PPEF1: variants seen among roughly 807,000 people sequenced by gnomAD.
The protein encoded by PPEF1 is protein phosphatase with EF-hand domain 1.
Under a neutral mutation model 53.3 loss-of-function variants are expected in PPEF1, and 12 were observed. That is an observed-to-expected ratio of 0.23 (90% CI 0.14 to 0.36). The LOEUF (loss-of-function observed/expected upper bound fraction) is 0.36, where lower values mean the gene tolerates loss of function less well. PPEF1 is among the 10% of genes least tolerant of loss of function. PPEF1 has a pLI of 1.00. For missense variants in PPEF1, 334 were observed against 490.4 expected, an observed-to-expected ratio of 0.68 and a Z score of 3.01; for synonymous variants, 165 against 176.7, an observed-to-expected ratio of 0.93 and a Z score of 0.52.
chrX:18,769,820 T>G (rs1396424544), intron 6 of PPEF1, among the ~76,000 whole-genome samples: 1 of 112,198 alleles, frequency 8.9e-6, no homozygotes, highest in African/African-American at 3.2e-5. Context: ...AGAAGAAAAT[T>G]AACGTGGAGT....
intron 2 of PPEF1, 139 bp downstream of exon 2, chrX:18,730,447 C>A: frequency 1.4e-6 from 1 of 719,552 alleles, no homozygotes; most frequent in Non-Finnish European, 2.0e-6. Context: ...ATGACATTGT[C>A]TTGGAACTAG....
In PPEF1 at chrX:18,692,504, C is replaced by T. The variant is rs1215925909; in HGVS notation, c.-313+1410C>T. 4.5e-5 allele frequency among the ~76,000 whole-genome samples: 5 copies of T among 112,091 alleles called. No homozygotes were observed. In the East Asian group the frequency reaches 1.1e-3, roughly 25 times the overall value. On this transcript the variant is annotated intron_variant, in intron 4 of 21. Coordinates refer to the PPEF1 transcript ENST00000361511. ...AACCCTGGAATCCTCCTCGATGTCT[C>T]TGTCTCCCTCACTCTCCATGCCCAG...
intron 10 of PPEF1, 91 bp from the exon 11 acceptor site, chrX:18,803,801 C>G: frequency 1.1e-6 from 1 of 881,600 alleles, no homozygotes. Context: ...TTTGGGATAC[C>G]TTGGGTTAAT....
chrX:18,809,565 C>T (rs184161909), intron 12 of PPEF1, among the ~76,000 whole-genome samples: 3 of 109,478 alleles, frequency 2.7e-5, no homozygotes, highest in Admixed American at 9.9e-5. Flanking sequence ...ATTAGCTGGA[C>T]GTGATGGCGC....
chrX:18,744,427 A>G (rs1295203694), intron 3 of PPEF1, among the ~76,000 whole-genome samples: 1 of 111,630 alleles, frequency 9.0e-6, no homozygotes, highest in African/African-American at 3.3e-5. Context: ...AAACCAGTGC[A>G]TAGGACTCCA....
Position 18,788,985 on chromosome X carries a change from G to A in PPEF1, c.913-136G>A, listed in dbSNP as rs2046274690. On this transcript the variant is annotated intron_variant, in intron 9 of 15. Transcript: ENST00000470157. Reference sequence around the variant, plus strand: ...GATGAGTGAGATATAGGAGGTGGACGAGATGCAAAAAGTGACCGTGTGTTT... The same window carrying A: ...GATGAGTGAGATATAGGAGGTGGACAAGATGCAAAAAGTGACCGTGTGTTT... 9.5e-6 allele frequency: 7 copies of A among 734,932 alleles called. No homozygotes were observed. In the East Asian group the frequency reaches 9.7e-5, roughly 10 times the overall value. The allele number at this position is 734,932 out of a possible 1,213,427, so 60.6% of individuals were successfully genotyped here.
intron 3 of PPEF1, among the ~76,000 whole-genome samples, chrX:18,736,598 G>A (rs2044987443): frequency 9.0e-6 from 1 of 111,387 alleles, no homozygotes; most frequent in Admixed American, 9.6e-5. Context: ...CTCTTTTTTT[G>A]TTGTGTCTCT....
Position 18,735,941 on chromosome X carries a change from G to A in PPEF1, c.235+2133G>A, listed in dbSNP as rs191698704. On this transcript the variant is annotated intron_variant, in intron 3 of 15. Transcript: ENST00000470157. ...TTGGCTCTCTGTTTGTCTGTTATTG[G>A]TGTATGGGAATACTTGTGATTTTTG... Among the ~76,000 whole-genome samples, 591 of 111,686 alleles carry A rather than the reference G, an allele frequency of 5.3e-3. 5 individuals are homozygous for A. Among genetic ancestry groups the A allele is most frequent in the African/African-American group, 0.019 (575 of 30,753 alleles).
At chrX:18,710,340 A>C (rs1260802942) in intron 1 of PPEF1, among the ~76,000 whole-genome samples, 1 of 111,883 alleles carries the variant, frequency 8.9e-6, no homozygotes, top group Non-Finnish European at 1.9e-5. Flanking sequence ...GAAGCACAAA[A>C]GTTTTTACTT....
chrX:18,712,956 C>T (rs887886069), intron 1 of PPEF1, among the ~76,000 whole-genome samples: 13 of 111,926 alleles, frequency 1.2e-4, no homozygotes, highest in African/African-American at 1.6e-4. Flanking sequence ...AAGCCAACTT[C>T]GCATTCCTAG....
At chrX:18,786,479 T>C (rs2046201949) in intron 9 of PPEF1, among the ~76,000 whole-genome samples, 1 of 111,531 alleles carries the variant, frequency 9.0e-6, no homozygotes, top group African/African-American at 3.3e-5. Flanking sequence ...TAAATGTAAT[T>C]ACCTATATGA....
intron 10 of PPEF1, among the ~76,000 whole-genome samples, chrX:18,796,203 G>C (rs927786686): frequency 3.6e-5 from 4 of 112,411 alleles, no homozygotes; most frequent in African/African-American, 1.3e-4. Flanking sequence ...TGATCCACCT[G>C]CCTTGGCATC....
chrX:18,743,660 G>C (rs906523794), intron 3 of PPEF1, among the ~76,000 whole-genome samples: 4 of 108,648 alleles, frequency 3.7e-5, no homozygotes, highest in African/African-American at 1.3e-4. Context: ...CATTGGCCAG[G>C]CTGGTCTCAA....
At chrX:18,761,443 T>C (rs969807187) in intron 5 of PPEF1, 87 bp from the exon 6 acceptor site, 16 of 820,489 alleles carry the variant, frequency 2.0e-5, no homozygotes, top group African/African-American at 4.0e-5. Context: ...CTGAGAACAC[T>C]TGGAGTGGAT....
At chrX:18,798,077 A>C (rs753906316) in intron 10 of PPEF1, among the ~76,000 whole-genome samples, 48 of 109,378 alleles carry the variant, frequency 4.4e-4, no homozygotes, top group South Asian at 1.2e-3. Context: ...ACAAAATTGC[A>C]ATTTTTTTTT....
At chrX:18,680,713 C>A (rs989925733), upstream of PPEF1, among the ~76,000 whole-genome samples, 16 of 109,133 alleles carry the variant, frequency 1.5e-4, no homozygotes, top group African/African-American at 5.0e-4. Flanking sequence ...GTGTGATGCA[C>A]CCATTAACTC....
At chrX:18,721,349 G>A (rs976776925) in intron 1 of PPEF1, among the ~76,000 whole-genome samples, 2 of 112,311 alleles carry the variant, frequency 1.8e-5, no homozygotes, top group African/African-American at 6.5e-5. Context: ...GATTCCGATT[G>A]ATTGATTTAT....
intron 11 of PPEF1, among the ~76,000 whole-genome samples, chrX:18,804,392 C>T (rs190671879): frequency 1.3e-3 from 138 of 109,717 alleles, no homozygotes; most frequent in Non-Finnish European, 2.0e-3. Context: ...CTGCAACCTC[C>T]GCCTCCCGGG....
chrX:18,813,962 C>T (rs939897767), intron 12 of PPEF1, among the ~76,000 whole-genome samples: 5 of 111,057 alleles, frequency 4.5e-5, no homozygotes, highest in East Asian at 2.8e-4. Context: ...GCATAATACC[C>T]GATACTTAGT....
Sources: allele counts gnomAD v4.1 joint callset (sites outside exome capture counted in the v4.1 genomes callset), GRCh38; gene constraint gnomAD v4.1.1; transcripts MANE v1.5; gene names NCBI Gene and HGNC (gene_info 2026-07-23, HGNC 2026-07-21).